Variants in CCNA2 observed in about 807,000 individuals in gnomAD.
The protein encoded by CCNA2 is cyclin A2.
In CCNA2, 3 loss-of-function variants were observed where a neutral mutation model predicts 49.4. The ratio of observed to expected loss-of-function variants is 0.06; its 90% CI spans 0.03 to 0.16. The LOEUF is 0.16. Among genes scored for constraint, CCNA2 ranks in the 10% least tolerant of loss-of-function variants. The pLI, the probability that CCNA2 is intolerant of heterozygous loss-of-function variation, is 1.00. For synonymous variants in CCNA2, 206 were observed against 197.2 expected, an observed-to-expected ratio of 1.04 and a Z score of -0.37; for missense variants, 372 against 519.7, an observed-to-expected ratio of 0.72 and a Z score of 2.76.
rs1264949376 is a variant in CCNA2, at chr4:121,818,922, A to C, written c.1003-9T>G. ...CTTAATTCTCCCAAAAACTGGAATA[A>C]AAAATACTTTATGATCACAAGAGCG... On this transcript the variant is annotated splice_polypyrimidine_tract_variant and intron_variant, in intron 5 of 7. Transcript: ENST00000274026. The C allele has an allele frequency of 1.3e-6, 2 of 1,517,714 alleles. No homozygotes were observed. Among genetic ancestry groups the C allele is most frequent in the South Asian group, 2.2e-5 (2 of 89,082 alleles). 94.0% of individuals were successfully genotyped at this position (1,517,714 alleles called of 1,614,324 possible).
In CCNA2 at chr4:121,818,119, A is replaced by G; in HGVS notation, c.1175T>C (p.Met392Thr). 2.5e-6 allele frequency: 4 copies of G among 1,613,764 alleles called. No individual in the cohort carries two copies. Among genetic ancestry groups the G allele is most frequent in the Non-Finnish European group, 3.4e-6 (4 of 1,179,622 alleles). Residue 392 changes from methionine (M) to threonine (T), a missense_variant, in exon 7 of 8, where the codon ATG becomes ACG. By Grantham distance (81) the Met-to-Thr change is moderately conservative (BLOSUM62 -1). This residue lies in a region of CCNA2 where 155 missense variants were observed against 288.1 expected (regional missense o/e 0.54). Coordinates refer to ENST00000274026, the MANE Select transcript of CCNA2 (RefSeq NM_001237.5). ...TTTGAGGTAGGTCTGGTGAAGGTCCATGAGACAAGGCTTAAGACTTTCCAG... is the reference window on the plus strand; with the variant it reads ...TTTGAGGTAGGTCTGGTGAAGGTCCGTGAGACAAGGCTTAAGACTTTCCAG... ...YTLESLKPCL[M>T]DLHQTYLKAP... is the part of the protein sequence containing the mutation.
At chr4:121,818,729 G>C in intron 6 of CCNA2, 71 bp downstream of exon 6, 1 of 972,186 alleles carries the variant, frequency 1.0e-6, no homozygotes, top group Admixed American at 1.9e-5. Flanking sequence ...CAGTTTTGTA[G>C]GACAATTATT....
Position 121,823,572 on chromosome 4 carries a change from T to C in CCNA2, c.57A>G (p.Leu19=). 6.2e-7 allele frequency: 1 copy of C among 1,609,622 alleles called. No homozygotes were observed. Among genetic ancestry groups the C allele is most frequent in the Non-Finnish European group, 8.5e-7 (1 of 1,178,976 alleles). ...PATREAGSAL[L]ALQQTALQED... is the part of the protein sequence containing the mutation. ...CTTGGAGCGCCGTCTGCTGCAATGC[T>C]AGCAGCGCCGAGCCCGCCTCGCGGG... Residue 19 remains leucine (L), a synonymous_variant, in exon 1 of 8, where the codon CTA becomes CTG. Transcript: ENST00000274026.
intron 1 of CCNA2, 63 bp from the exon 2 acceptor site, chr4:121,822,709 T>C: frequency 6.5e-7 from 1 of 1,530,136 alleles, no homozygotes; most frequent in Non-Finnish European, 8.8e-7. Context: ...CTTATGGGTG[T>C]TGGCCTTTGC....
Position 121,819,268 on chromosome 4 carries a change from C to T in CCNA2, c.1002+104G>A. On this transcript the variant is annotated intron_variant, in intron 5 of 7. Transcript: ENST00000274026. ...TCTCCCTCTGAATACTAAATCTCTTCACCACTGCTGTACAAAGGAACTAGG... is the reference window on the plus strand; with the variant it reads ...TCTCCCTCTGAATACTAAATCTCTTTACCACTGCTGTACAAAGGAACTAGG... 3.8e-6 allele frequency: 3 copies of T among 790,232 alleles called. No homozygotes were observed. The South Asian group carries it at 5.1e-5, about 13-fold the overall frequency. 49.0% of individuals were successfully genotyped at this position (790,232 alleles called of 1,614,324 possible). A position where few individuals can be genotyped will look rare whatever the true frequency, so the allele number is the denominator to read the frequency against.
At chr4:121,821,947 C>T (rs1487132389) in intron 2 of CCNA2, among the ~76,000 whole-genome samples, 1 of 152,138 alleles carries the variant, frequency 6.6e-6, no homozygotes, top group African/African-American at 2.4e-5. Flanking sequence ...GGAAAAGTGT[C>T]ACTTTCTGGT....
intron 2 of CCNA2, among the ~76,000 whole-genome samples, chr4:121,821,649 C>A (rs1180358786): frequency 6.6e-6 from 1 of 152,062 alleles, no homozygotes; most frequent in Non-Finnish European, 1.5e-5. Flanking sequence ...CAAAGAGTAT[C>A]ATCCATTATT....
Position 121,817,572 on chromosome 4 carries a change from T to C in CCNA2, c.*66A>G. 1 of 1,586,212 alleles carries C rather than the reference T, an allele frequency of 6.3e-7. No homozygotes were observed. Among genetic ancestry groups the C allele is most frequent in the Non-Finnish European group, 8.6e-7 (1 of 1,165,316 alleles). On this transcript the variant is annotated 3_prime_UTR_variant, in exon 8 of 8. Coordinates refer to ENST00000274026, the MANE Select transcript of CCNA2 (RefSeq NM_001237.5). ...AATGATTGTAAAATTAAAACCTAAG[T>C]TAAAAACTGTACACCATATACTTTG...
intron 2 of CCNA2, 103 bp downstream of exon 2, chr4:121,822,300 T>C: frequency 8.6e-7 from 1 of 1,158,124 alleles, no homozygotes; most frequent in Non-Finnish European, 1.2e-6. Context: ...CCTAACTCAC[T>C]ATAGTCAAAA....
chr4:121,817,654 T>G lies in CCNA2; in HGVS notation c.1283A>C (p.Glu428Ala), dbSNP rs761622428. 1 of 1,614,004 alleles carries G rather than the reference T, an allele frequency of 6.2e-7. No homozygotes were observed. Among genetic ancestry groups the G allele is most frequent in the Non-Finnish European group, 8.5e-7 (1 of 1,179,930 alleles). Residue 428 changes from glutamate to alanine, a missense_variant, in exon 8 of 8, where the codon GAG becomes GCG. By Grantham distance (107) the Glu-to-Ala change is moderately radical (BLOSUM62 -1). Coordinates refer to ENST00000274026, the MANE Select transcript of CCNA2 (RefSeq NM_001237.5). ...YHGVSLLNPP[E>A]TLNL ...CTTTCATTGTTACAGATTTAGTGTC[T>G]CTGGTGGGTTGAGGAGAGAAACACC...
At chr4:121,821,859 G>T (rs113924029) in intron 2 of CCNA2, among the ~76,000 whole-genome samples, 310 of 152,248 alleles carry the variant, frequency 2.0e-3, no homozygotes, top group African/African-American at 7.2e-3. Flanking sequence ...AGTACAAACT[G>T]CAAAGAGCTG....
intron 6 of CCNA2, 45 bp downstream of exon 6, chr4:121,818,755 G>A: frequency 8.7e-7 from 1 of 1,142,934 alleles, no homozygotes; most frequent in East Asian, 2.4e-5. Context: ...ATCTGGCACA[G>A]GCATTTCAGT....
chr4:121,822,339 A>G, intron 2 of CCNA2, 64 bp downstream of exon 2: 1 of 1,496,076 alleles, frequency 6.7e-7, no homozygotes, highest in African/African-American at 1.4e-5. Context: ...TAAAATGCAA[A>G]TCATTAATAT....
chr4:121,818,676 A>T, intron 6 of CCNA2, 124 bp downstream of exon 6: 1 of 652,152 alleles, frequency 1.5e-6, no homozygotes, highest in Non-Finnish European at 2.7e-6. Flanking sequence ...GGTCAACTAT[A>T]TATATTTGAA....
Position 121,817,377 on chromosome 4 carries a change from C to A in CCNA2, c.*261G>T. Reference sequence around the variant, plus strand: ...AGTTAAATTTGACTTGCAAAGTTTTCCAAATCAATTTATTATCCTGACAGC... The same window carrying A: ...AGTTAAATTTGACTTGCAAAGTTTTACAAATCAATTTATTATCCTGACAGC... On this transcript the variant is annotated 3_prime_UTR_variant, in exon 8 of 8. Transcript: ENST00000274026. 1 of 346,196 alleles carries A rather than the reference C, an allele frequency of 2.9e-6. No individual in the cohort carries two copies. The allele number at this position is 346,196 out of a possible 1,614,324, so 21.4% of individuals were successfully genotyped here. A position where few individuals can be genotyped will look rare whatever the true frequency, so the allele number is the denominator to read the frequency against.
chr4:121,817,794 G>C (rs1724581848), intron 7 of CCNA2, 108 bp from the exon 8 acceptor site: 16 of 1,460,502 alleles, frequency 1.1e-5, no homozygotes, highest in Admixed American at 1.9e-5. Context: ...TGCTATTTCT[G>C]TCTGACCGAC....
chr4:121,821,081 A>G lies in CCNA2; in HGVS notation c.468T>C (p.His156=). ...CTAATATAATTGACATGTCCATAGT[A>G]TGTGGTGACTCTGGGACAATTCAAA... ...YPMDGSFESP[H]TMDMSIILED... is the part of the protein sequence containing the mutation. The change falls in exon 3 of 8, where the codon CAT becomes CAC. Residue 156 remains histidine, a synonymous_variant. Coordinates refer to ENST00000274026, the MANE Select transcript of CCNA2 (RefSeq NM_001237.5). 6.2e-7 allele frequency: 1 copy of G among 1,612,866 alleles called. No homozygotes were observed. Among genetic ancestry groups the G allele is most frequent in the South Asian group, 1.1e-5 (1 of 90,960 alleles).
Position 121,816,963 on chromosome 4 carries a change from G to T in CCNA2, c.*675C>A. Reference sequence around the variant, plus strand: ...ACAAATCCATTATAAAATCTAGCAGGATTTTAAAAATAGTTTTTTGTTTTT... The same window carrying T: ...ACAAATCCATTATAAAATCTAGCAGTATTTTAAAAATAGTTTTTTGTTTTT... On this transcript the variant is annotated 3_prime_UTR_variant, in exon 8 of 8. Transcript: ENST00000274026. The T allele has an allele frequency of 8.8e-7, 1 of 1,132,798 alleles. No homozygotes were observed. The highest frequency in any genetic ancestry group is 1.2e-6 in the Non-Finnish European group (1 of 841,490). 70.2% of individuals were successfully genotyped at this position (1,132,798 alleles called of 1,614,324 possible).
At position 121,818,152 on chromosome 4, in the gene CCNA2, C is replaced by G. The variant is rs1724594680; in HGVS notation, c.1142G>C (p.Gly381Ala). 1 of 1,613,564 alleles carries G rather than the reference C, an allele frequency of 6.2e-7. No individual in the cohort carries two copies. The highest frequency in any genetic ancestry group is 8.5e-7 in the Non-Finnish European group (1 of 1,179,740). Residue 381 changes from glycine to alanine, a missense_variant, in exon 7 of 8, where the codon GGA (glycine) becomes GCA (alanine). By Grantham distance (60) the Gly-to-Ala change is moderately conservative (BLOSUM62 0). Transcript: ENST00000274026. ...SWPESLIRKT[G>A]YTLESLKPCL... ...AGGCTTAAGACTTTCCAGGGTATAT[C>G]CAGTCTTTCGTATTAATGATTCAGG...
Sources: gnomAD v4.1 joint callset for allele counts (sites outside exome capture counted in the v4.1 genomes callset) on GRCh38, gnomAD v4.1.1 for gene constraint, gnomAD v4.1.1 regional missense constraint, MANE v1.5 for transcripts, NCBI Gene and HGNC (gene_info 2026-07-23, HGNC 2026-07-21) for gene names.